Variants in SMAP2 observed in about 807,000 individuals in gnomAD.
The protein encoded by SMAP2 is stromal membrane-associated protein 2.
In SMAP2, 25 loss-of-function variants were observed where a neutral mutation model predicts 56.4. The ratio of observed to expected loss-of-function variants is 0.44; its 90% CI spans 0.32 to 0.62. The LOEUF is 0.62. SMAP2 is among the 20% of genes least tolerant of loss of function. The pLI is 0.04. For synonymous variants in SMAP2, 157 were observed against 181.7 expected (o/e 0.86, Z 1.09); for missense variants, 388 against 545.6 (o/e 0.71, Z 2.88).
intron 1 of SMAP2, among the ~76,000 whole-genome samples, chr1:40,375,455 G>T (rs1007032401): frequency 1.3e-5 from 2 of 152,090 alleles, no homozygotes; most frequent in South Asian, 2.1e-4. Context: ...GAAGAATAAG[G>T]TTATAAAAGG....
intron 9 of SMAP2, among the ~76,000 whole-genome samples, chr1:40,420,507 C>A (rs1645032095): frequency 6.6e-6 from 1 of 152,086 alleles, no homozygotes; most frequent in Admixed American, 6.6e-5. Context: ...GAGGAAAAGC[C>A]TTCTTTACAG....
intron 1 of SMAP2, among the ~76,000 whole-genome samples, chr1:40,360,937 C>A (rs1569823398): frequency 6.6e-6 from 1 of 152,358 alleles, no homozygotes; most frequent in Middle Eastern, 3.4e-3. Flanking sequence ...GACTGCAATT[C>A]TGGGGACAGT....
chr1:40,422,430 C>T lies in SMAP2; in HGVS notation c.*329C>T. On this transcript the variant is annotated 3_prime_UTR_variant, in exon 10 of 10. Transcript: ENST00000372718. ...GTCCCTTCCCTCAAGGTTAAAGCTC[C>T]TGTCAGACTCTCAGAAGGGTCTGTG... The T allele has an allele frequency of 3.5e-6, 1 of 289,686 alleles. No homozygotes were observed. The highest frequency in any genetic ancestry group is 4.1e-5 in the South Asian group (1 of 24,224). 17.9% of individuals were successfully genotyped at this position (289,686 alleles called of 1,614,324 possible).
At chr1:40,403,721 G>C (rs984189844) in intron 1 of SMAP2, 25 of 878,814 alleles carry the variant, frequency 2.8e-5, no homozygotes, top group Non-Finnish European at 3.1e-5. Flanking sequence ...ACGTTTTATA[G>C]ATGAGGAAAC....
intron 1 of SMAP2, among the ~76,000 whole-genome samples, chr1:40,353,228 T>G (rs530999952): frequency 5.3e-5 from 8 of 152,326 alleles, no homozygotes; most frequent in African/African-American, 1.9e-4. Context: ...CAGCTAAGAT[T>G]GGGGACATTC....
At chr1:40,357,065 A>G (rs1023052953) in intron 1 of SMAP2, among the ~76,000 whole-genome samples, 4 of 152,122 alleles carry the variant, frequency 2.6e-5, no homozygotes, top group African/African-American at 9.7e-5. Context: ...TCTGTTTATT[A>G]AGCCCTTGTC....
intron 9 of SMAP2, among the ~76,000 whole-genome samples, chr1:40,419,034 A>T (rs1360744458): frequency 6.6e-6 from 1 of 152,214 alleles, no homozygotes; most frequent in South Asian, 2.1e-4. Flanking sequence ...AGCGTTGCAG[A>T]ATATACATTA....
intron 1 of SMAP2, chr1:40,375,083 C>G (rs963111799): frequency 1.0e-6 from 1 of 985,238 alleles, no homozygotes; most frequent in East Asian, 1.1e-4. Flanking sequence ...CTAGAAGATT[C>G]ATGATTTGAT....
intron 2 of SMAP2, 140 bp downstream of exon 2, chr1:40,407,009 C>A: frequency 1.2e-6 from 1 of 830,466 alleles, no homozygotes; most frequent in South Asian, 2.2e-5. Flanking sequence ...ATTCTTGTAC[C>A]CTAACAGAAA....
intron 1 of SMAP2, among the ~76,000 whole-genome samples, chr1:40,352,758 C>T (rs978663829): frequency 1.5e-4 from 23 of 151,990 alleles, no homozygotes; most frequent in African/African-American, 5.3e-4. Flanking sequence ...AAACTCCTGG[C>T]CTCAAGCGAT....
chr1:40,358,558 CAAAA>C (rs1644446829), intron 1 of SMAP2, among the ~76,000 whole-genome samples: 2 of 151,950 alleles, frequency 1.3e-5, no homozygotes, highest in African/African-American at 4.8e-5. Context: ...CAAAACAAAA[CAAAA>C]AACACACACA....
At chr1:40,415,717 G>C (rs565832276) in intron 7 of SMAP2, among the ~76,000 whole-genome samples, 2 of 152,162 alleles carry the variant, frequency 1.3e-5, no homozygotes, top group Non-Finnish European at 2.9e-5. Flanking sequence ...GCTACCATTC[G>C]TGAAACGCCT....
At chr1:40,363,568 T>C (rs1371882008) in intron 2 of SMAP2, among the ~76,000 whole-genome samples, 1 of 152,044 alleles carries the variant, frequency 6.6e-6, no homozygotes, top group East Asian at 1.9e-4. Context: ...ACCTCACCAA[T>C]TGTCCTCCCC....
chr1:40,411,869 TCTCA>T (rs1338103769), intron 4 of SMAP2, among the ~76,000 whole-genome samples: 3 of 152,340 alleles, frequency 2.0e-5, no homozygotes, highest in South Asian at 4.1e-4. Flanking sequence ...CCATACATAC[TCTCA>T]CTATCTTTGC....
chr1:40,355,604 C>G (rs1299082222), intron 1 of SMAP2, among the ~76,000 whole-genome samples: 1 of 152,042 alleles, frequency 6.6e-6, no homozygotes, highest in African/African-American at 2.4e-5. Flanking sequence ...TGACTGTAGT[C>G]ACCCTGTTGT....
At chr1:40,345,560 C>G (rs1286782795) in intron 1 of SMAP2, among the ~76,000 whole-genome samples, 1 of 151,924 alleles carries the variant, frequency 6.6e-6, no homozygotes, top group Non-Finnish European at 1.5e-5. Flanking sequence ...CTCCTGGGCT[C>G]AAGCAATCCT....
intron 9 of SMAP2, among the ~76,000 whole-genome samples, chr1:40,420,474 A>G (rs926509897): frequency 6.6e-6 from 1 of 152,234 alleles, no homozygotes; most frequent in Non-Finnish European, 1.5e-5. Flanking sequence ...GATATTTTTT[A>G]AAAACCAGGT....
At chr1:40,352,955 G>T (rs543642820) in intron 1 of SMAP2, among the ~76,000 whole-genome samples, 7 of 152,320 alleles carry the variant, frequency 4.6e-5, no homozygotes, top group African/African-American at 1.7e-4. Flanking sequence ...GAATCTGAAA[G>T]TTCTAAGACT....
intron 1 of SMAP2, among the ~76,000 whole-genome samples, chr1:40,356,458 T>TGGAGTGCAGTGGCG (rs1376015672): frequency 6.6e-6 from 1 of 151,088 alleles, no homozygotes; most frequent in Non-Finnish European, 1.5e-5. Flanking sequence ...TCGCCTAGGC[T>TGGAGTGCAGTGGCG]GGAGTGCAGT....
Sources: gnomAD v4.1 joint callset for allele counts (sites outside exome capture counted in the v4.1 genomes callset) on GRCh38, gnomAD v4.1.1 for gene constraint, MANE v1.5 for transcripts, NCBI Gene and HGNC (gene_info 2026-07-23, HGNC 2026-07-21) for gene names.